Variants in ERBB4 observed in about 807,000 individuals in gnomAD.
The protein encoded by ERBB4 is erb-b2 receptor tyrosine kinase 4.
ERBB4 carries 42 observed loss-of-function variants against 158.0 expected under a neutral mutation model. The observed-to-expected ratio is 0.27, with a 90% CI of 0.21 to 0.34. The LOEUF (loss-of-function observed/expected upper bound fraction) is 0.34, where lower values mean the gene tolerates loss of function less well. Ranked by LOEUF, ERBB4 falls within the 10% of genes least tolerant of loss-of-function variation. The pLI is 1.00. For synonymous variants in ERBB4, 583 were observed against 558.7 expected (o/e 1.04, Z -0.61); for missense variants, 1,333 against 1,624.1 (o/e 0.82, Z 3.08).
intron 1 of ERBB4, among the ~76,000 whole-genome samples, chr2:212,369,697 CTTTT>C (rs1043772499): frequency 2.0e-5 from 3 of 151,866 alleles, no homozygotes; most frequent in African/African-American, 7.3e-5. Context: ...AATACACTAC[CTTTT>C]TTTATTTTGT....
intron 2 of ERBB4, among the ~76,000 whole-genome samples, chr2:212,119,215 A>C (rs2079667858): frequency 6.6e-6 from 1 of 152,182 alleles, no homozygotes; most frequent in African/African-American, 2.4e-5. Context: ...AAAAATTATT[A>C]CCCGTTATAG....
Position 211,992,575 on chromosome 2 carries a change from A to G in ERBB4, c.235-44959T>C, listed in dbSNP as rs1377048712. 5.3e-5 allele frequency among the ~76,000 whole-genome samples: 8 copies of G among 151,362 alleles called. No individual in the cohort carries two copies. In the South Asian group the frequency reaches 1.2e-3, roughly 24 times the overall value. On this transcript the variant is annotated intron_variant, in intron 2 of 27. Coordinates refer to ENST00000342788, the MANE Select transcript of ERBB4 (RefSeq NM_005235.3). ...AGAGAGAGAGAGAGAGAGAAAAAAA[A>G]AAAAAACATGAGTTTGTCAGGGGCA... is the stretch of plus-strand genomic sequence containing the variant.
intron 20 of ERBB4, chr2:211,535,817 G>A (rs909166040): frequency 1.3e-4 from 20 of 152,038 alleles, no homozygotes; most frequent in Admixed American, 2.0e-4. Context: ...AGAAGTACTA[G>A]CCGATTAAAA....
intron 1 of ERBB4, among the ~76,000 whole-genome samples, chr2:212,131,994 A>G (rs2080119692): frequency 6.6e-6 from 1 of 152,152 alleles, no homozygotes; most frequent in Admixed American, 6.6e-5. Context: ...TTATTATGTT[A>G]TGAATACATT....
chr2:211,997,908 A>AC (rs1559280420), intron 2 of ERBB4, among the ~76,000 whole-genome samples: 1 of 39,962 alleles, frequency 2.5e-5, no homozygotes, highest in Non-Finnish European at 1.3e-4. Context: ...ACACACACAC[A>AC]TCACACACAC....
intron 12 of ERBB4, among the ~76,000 whole-genome samples, chr2:211,700,305 A>AT (rs2073187516): frequency 1.3e-5 from 2 of 152,192 alleles, no homozygotes; most frequent in Admixed American, 1.3e-4. Context: ...AGGAATCAGT[A>AT]ATGTGTAAAA....
chr2:211,853,053 G>A (rs1485156696), intron 3 of ERBB4, among the ~76,000 whole-genome samples: 1 of 151,876 alleles, frequency 6.6e-6, no homozygotes, highest in Admixed American at 6.6e-5. Flanking sequence ...CCCTTTTGCT[G>A]TCATCCCTTT....
chr2:212,059,801 T>C (rs892685148), intron 2 of ERBB4, among the ~76,000 whole-genome samples: 1 of 152,138 alleles, frequency 6.6e-6, no homozygotes, highest in South Asian at 2.1e-4. Flanking sequence ...TCGAGATGGA[T>C]TAAAGACTTA....
intron 16 of ERBB4, among the ~76,000 whole-genome samples, chr2:211,651,705 G>T (rs1349839930): frequency 6.6e-6 from 1 of 151,954 alleles, no homozygotes; most frequent in East Asian, 1.9e-4. Flanking sequence ...GGGGTGGGGT[G>T]GGAAGGGCTG....
chr2:212,538,599 CGGA>C lies in ERBB4; in HGVS notation c.-72_-70del, dbSNP rs1693246815. ...ATGGCATATCCCCCTTTCGGGCACG[CGGA>C]GGAGATCCCCCAGCCGGGCGCGCGT... On this transcript the variant is annotated 5_prime_UTR_variant, in exon 1 of 28. Coordinates refer to ENST00000342788, the MANE Select transcript of ERBB4 (RefSeq NM_005235.3). 4 of 1,483,474 alleles carry C rather than the reference CGGA, an allele frequency of 2.7e-6. No homozygotes were observed. Among genetic ancestry groups the C allele is most frequent in the Non-Finnish European group, 3.8e-6 (4 of 1,061,866 alleles). The allele number at this position is 1,483,474 out of a possible 1,614,324, so 91.9% of individuals were successfully genotyped here. A position where few individuals can be genotyped will look rare whatever the true frequency, so the allele number is the denominator to read the frequency against.
chr2:212,264,682 T>A (rs776193656), intron 1 of ERBB4, among the ~76,000 whole-genome samples: 110 of 152,154 alleles, frequency 7.2e-4, no homozygotes, highest in Non-Finnish European at 8.8e-4. Context: ...TATTATAAAA[T>A]GGGAATTAAG....
intron 2 of ERBB4, among the ~76,000 whole-genome samples, chr2:212,022,812 C>A (rs1409706416): frequency 6.6e-6 from 1 of 152,048 alleles, no homozygotes; most frequent in African/African-American, 2.4e-5. Context: ...TAATTCATTT[C>A]TTCAGGTAAA....
chr2:211,810,804 C>T (rs2076735876), intron 3 of ERBB4, among the ~76,000 whole-genome samples: 1 of 151,738 alleles, frequency 6.6e-6, no homozygotes, highest in Non-Finnish European at 1.5e-5. Flanking sequence ...TCCCGAGTAG[C>T]TGGGACTACA....
At chr2:212,274,714 A>C (rs1377663262) in intron 1 of ERBB4, among the ~76,000 whole-genome samples, 1 of 151,850 alleles carries the variant, frequency 6.6e-6, no homozygotes, top group Non-Finnish European at 1.5e-5. Flanking sequence ...TATGGCCATA[A>C]ATGAGAAAAT....
chr2:212,532,760 T>C (rs1236847754), intron 1 of ERBB4, among the ~76,000 whole-genome samples: 1 of 152,338 alleles, frequency 6.6e-6, no homozygotes, highest in African/African-American at 2.4e-5. Context: ...CATGCACTAT[T>C]CCTATTAAAG....
At chr2:211,509,405 G>A (rs565731225) in intron 20 of ERBB4, among the ~76,000 whole-genome samples, 7 of 152,148 alleles carry the variant, frequency 4.6e-5, no homozygotes, top group African/African-American at 1.7e-4. Context: ...TCAGAAAAAT[G>A]AAACTGGACC....
intron 24 of ERBB4, among the ~76,000 whole-genome samples, chr2:211,421,230 A>C (rs1462913516): frequency 1.3e-5 from 2 of 151,982 alleles, no homozygotes; most frequent in Non-Finnish European, 2.9e-5. Flanking sequence ...ATTTCAGTTC[A>C]TGAAAACTAA....
chr2:211,393,594 T>C (rs1371584743), intron 25 of ERBB4, among the ~76,000 whole-genome samples: 1 of 152,194 alleles, frequency 6.6e-6, no homozygotes, highest in Non-Finnish European at 1.5e-5. Flanking sequence ...ACTTAATGAC[T>C]TAAGGAGGCA....
intron 20 of ERBB4, among the ~76,000 whole-genome samples, chr2:211,432,605 CAA>C (rs60438750): frequency 0.48 from 65,099 of 134,990 alleles, 14,697 homozygotes; most frequent in South Asian, 0.65. Context: ...CTTAAAGGAT[CAA>C]AAAAAAAAAA....
Sources: allele counts gnomAD v4.1 joint callset (sites outside exome capture counted in the v4.1 genomes callset), GRCh38; gene constraint gnomAD v4.1.1; transcripts MANE v1.5; gene names NCBI Gene and HGNC (gene_info 2026-07-23, HGNC 2026-07-21).